The following PSEN1 variants were observed in gnomAD, a reference collection of about 807,000 sequenced individuals.
PSEN1 encodes presenilin-1.
A neutral mutation model predicts 53.5 loss-of-function variants in PSEN1; 15 were observed. The ratio of observed to expected loss-of-function variants is 0.28; its 90% CI spans 0.19 to 0.43. The LOEUF is 0.43. Ranked by LOEUF, PSEN1 falls within the 20% of genes least tolerant of loss-of-function variation. PSEN1 has a pLI of 1.00. For synonymous variants in PSEN1, 208 were observed against 209.8 expected, an observed-to-expected ratio of 0.99 and a Z score of 0.08; for missense variants, 387 against 571.2, an observed-to-expected ratio of 0.68 and a Z score of 3.29.
intron 3 of PSEN1, chr14:73,169,500 A>G (rs1458825075): frequency 6.6e-6 from 1 of 152,134 alleles, no homozygotes; most frequent in Non-Finnish European, 1.5e-5. Flanking sequence ...TTATATCTCT[A>G]ACTAAAGTAC....
intron 6 of PSEN1, among the ~76,000 whole-genome samples, chr14:73,188,013 C>T (rs1176506390): frequency 6.6e-6 from 1 of 152,030 alleles, no homozygotes; most frequent in African/African-American, 2.4e-5. Flanking sequence ...ACTGCAACCC[C>T]CACCTCCTGG....
At chr14:73,216,279 G>T (rs1456559823) in intron 10 of PSEN1, among the ~76,000 whole-genome samples, 1 of 152,218 alleles carries the variant, frequency 6.6e-6, no homozygotes, top group Non-Finnish European at 1.5e-5. Flanking sequence ...CCTAGGGTAG[G>T]AGTGGGGATT....
chr14:73,199,505 G>A, intron 8 of PSEN1, among the ~76,000 whole-genome samples: 1 of 152,046 alleles, frequency 6.6e-6, no homozygotes, highest in Admixed American at 6.6e-5. Context: ...TTCAGTGGTG[G>A]GTATCCTCAT....
intron 5 of PSEN1, 54 bp from the exon 6 acceptor site, chr14:73,186,799 A>G (rs1208420098): frequency 4.2e-6 from 6 of 1,444,436 alleles, no homozygotes; most frequent in African/African-American, 1.4e-5. Flanking sequence ...AAAAATCTGT[A>G]CTTTTTAAGG....
chr14:73,147,133 G>A (rs1347184035), intron 1 of PSEN1, among the ~76,000 whole-genome samples: 3 of 150,918 alleles, frequency 2.0e-5, no homozygotes, highest in Admixed American at 6.6e-5. Flanking sequence ...TTACAGATGC[G>A]CGCCACCACA....
intron 3 of PSEN1, chr14:73,169,366 A>G (rs1204146961): frequency 6.6e-6 from 1 of 151,968 alleles, no homozygotes; most frequent in Admixed American, 6.6e-5. Context: ...CTCCACAGCT[A>G]TTTCATCCAT....
At chr14:73,148,596 A>G (rs1441243016) in intron 3 of PSEN1, among the ~76,000 whole-genome samples, 4 of 152,216 alleles carry the variant, frequency 2.6e-5, no homozygotes, top group Admixed American at 2.0e-4. Flanking sequence ...CTACATACAC[A>G]GACATGAAAT....
At chr14:73,193,362 T>C (rs1039708914) in intron 7 of PSEN1, among the ~76,000 whole-genome samples, 1 of 151,740 alleles carries the variant, frequency 6.6e-6, no homozygotes, top group African/African-American at 2.4e-5. Context: ...CTGGCCAATA[T>C]GGTGAAACCC....
At chr14:73,184,797 T>C (rs2140073287) in intron 5 of PSEN1, among the ~76,000 whole-genome samples, 2 of 148,742 alleles carry the variant, frequency 1.3e-5, no homozygotes, top group Non-Finnish European at 1.5e-5. Flanking sequence ...GAGACGCTCC[T>C]CACTTCCCAG....
At chr14:73,178,155 AG>A (rs1898099512) in intron 5 of PSEN1, among the ~76,000 whole-genome samples, 1 of 150,054 alleles carries the variant, frequency 6.7e-6, no homozygotes, top group Admixed American at 6.6e-5. Flanking sequence ...CCTGGCCTTA[AG>A]TATTCCGCCT....
At chr14:73,185,196 G>T in intron 5 of PSEN1, among the ~76,000 whole-genome samples, 1 of 152,134 alleles carries the variant, frequency 6.6e-6, no homozygotes, top group Non-Finnish European at 1.5e-5. Flanking sequence ...TCACTTCCCA[G>T]ACGGGGTGGC....
chr14:73,214,435 C>T (rs1899827160), intron 10 of PSEN1, among the ~76,000 whole-genome samples: 1 of 150,702 alleles, frequency 6.6e-6, no homozygotes, highest in African/African-American at 2.4e-5. Flanking sequence ...GAGGCTGAGG[C>T]AGGAGAATCA....
chr14:73,170,715 C>G (rs1007391546), intron 3 of PSEN1, 82 bp from the exon 4 acceptor site: 7 of 1,445,278 alleles, frequency 4.8e-6, no homozygotes, highest in Non-Finnish European at 6.7e-6. Flanking sequence ...AGTGACGGGT[C>G]TGTTGTTAAT....
Position 73,162,165 on chromosome 14 carries a change from G to T in PSEN1, c.88-8632G>T, listed in dbSNP as rs192637254. On this transcript the variant is annotated intron_variant, in intron 3 of 11. Coordinates refer to ENST00000324501, the MANE Select transcript of PSEN1 (RefSeq NM_000021.4). Reference sequence around the variant, plus strand: ...CTGCACTCCAGCCTGGGCAACAGGAGCAAAACTCCATCTCAAAAAAAAAAA... The same window carrying T: ...CTGCACTCCAGCCTGGGCAACAGGATCAAAACTCCATCTCAAAAAAAAAAA... Among the ~76,000 whole-genome samples, 144 of 147,518 alleles carry T rather than the reference G, an allele frequency of 9.8e-4. 1 individual carries two copies. The highest frequency in any genetic ancestry group is 3.3e-3 in the African/African-American group (134 of 40,186).
At chr14:73,190,485 TAA>T (rs78682030) in intron 6 of PSEN1, among the ~76,000 whole-genome samples, 2,584 of 132,982 alleles carry the variant, frequency 0.019, 67 homozygotes, top group African/African-American at 0.063. Context: ...TGTCTCTATT[TAA>T]AAAAAAAAAA....
chr14:73,212,088 CTTTTTTTTTTTTTTTTTTTTTTTTTTTTT>C (rs398043836), intron 10 of PSEN1, 146 bp downstream of exon 10: 5 of 66,808 alleles, frequency 7.5e-5, no homozygotes, highest in South Asian at 4.9e-4. Flanking sequence ...AGTAATAGTG[CTTTTTTTTTTTTTTTTTTTTTTTTTTTTT>C]TTTTTTTTTT....
At chr14:73,210,120 G>A (rs1899619139) in intron 9 of PSEN1, among the ~76,000 whole-genome samples, 2 of 152,188 alleles carry the variant, frequency 1.3e-5, no homozygotes, top group Admixed American at 1.3e-4. Context: ...AGGGATATCT[G>A]TGTAAGGAAA....
intron 9 of PSEN1, among the ~76,000 whole-genome samples, chr14:73,208,509 G>C (rs193025906): frequency 6.6e-6 from 1 of 151,420 alleles, no homozygotes; most frequent in African/African-American, 2.4e-5. Context: ...ACCCGGAATG[G>C]GTATCTCCTA....
intron 1 of PSEN1, among the ~76,000 whole-genome samples, chr14:73,137,933 G>T (rs1156756577): frequency 6.6e-6 from 1 of 151,822 alleles, no homozygotes; most frequent in Non-Finnish European, 1.5e-5. Context: ...CTGGGCGTGG[G>T]GGCGCGCGCC....
Sources: gnomAD v4.1 joint callset for allele counts (sites outside exome capture counted in the v4.1 genomes callset) on GRCh38, gnomAD v4.1.1 for gene constraint, MANE v1.5 for transcripts, NCBI Gene and HGNC (gene_info 2026-07-23, HGNC 2026-07-21) for gene names.